Variants in SND1 observed in about 807,000 individuals in gnomAD.
The protein encoded by SND1 is staphylococcal nuclease and tudor domain containing 1.
A neutral mutation model predicts 121.7 loss-of-function variants in SND1; 38 were observed. The ratio of observed to expected loss-of-function variants is 0.31; its 90% CI spans 0.24 to 0.41. The LOEUF (loss-of-function observed/expected upper bound fraction) is 0.41. SND1 is among the 10% of genes least tolerant of loss of function. SND1 has a pLI of 1.00. For missense variants in SND1, 868 were observed against 1,184.6 expected (o/e 0.73, Z 3.92); for synonymous variants, 401 against 447.4 (o/e 0.90, Z 1.31).
chr7:127,709,466 A>G (rs1796261853), intron 9 of SND1, among the ~76,000 whole-genome samples: 3 of 152,210 alleles, frequency 2.0e-5, no homozygotes, highest in Non-Finnish European at 4.4e-5. Flanking sequence ...AGAAAAACCT[A>G]GAATATTTTG....
intron 1 of SND1, among the ~76,000 whole-genome samples, chr7:127,667,389 G>C (rs1795436861): frequency 6.6e-6 from 1 of 152,154 alleles, no homozygotes; most frequent in South Asian, 2.1e-4. Context: ...TGGTATACAG[G>C]TCCCCTACCA....
rs147448752 is a variant in SND1, at chr7:127,957,262, T to C, written c.1669+27933T>C. ...GCACCATGTTGGCATCATTTGGAACTAGGAAAGCAGCCCGGTTGGCATTTC... is the reference window on the plus strand; with the variant it reads ...GCACCATGTTGGCATCATTTGGAACCAGGAAAGCAGCCCGGTTGGCATTTC... On this transcript the variant is annotated intron_variant, in intron 15 of 23. Coordinates refer to ENST00000354725, the MANE Select transcript of SND1 (RefSeq NM_014390.4). Among the ~76,000 whole-genome samples, 140 of 152,310 alleles carry C rather than the reference T, an allele frequency of 9.2e-4. 1 individual carries two copies. The highest frequency in any genetic ancestry group is 3.4e-3 in the Middle Eastern group (1 of 294).
intron 16 of SND1, among the ~76,000 whole-genome samples, chr7:128,000,711 A>G (rs1802806607): frequency 6.6e-6 from 1 of 152,308 alleles, no homozygotes; most frequent in East Asian, 1.9e-4. Context: ...TTCAGGCTTC[A>G]GGCCTCCCTG....
At chr7:127,933,104 T>A (rs1800987846) in intron 15 of SND1, among the ~76,000 whole-genome samples, 1 of 152,162 alleles carries the variant, frequency 6.6e-6, no homozygotes, top group Admixed American at 6.5e-5. Context: ...CACAAATGTA[T>A]AGGGGAAAGA....
chr7:127,737,087 A>G (rs1320179223), intron 10 of SND1, among the ~76,000 whole-genome samples: 2 of 152,258 alleles, frequency 1.3e-5, no homozygotes, highest in South Asian at 4.1e-4. Flanking sequence ...TAATTAAAAT[A>G]TAAGAGCATA....
intron 15 of SND1, among the ~76,000 whole-genome samples, chr7:127,976,669 A>G (rs1298971520): frequency 1.3e-5 from 2 of 152,236 alleles, no homozygotes; most frequent in Admixed American, 1.3e-4. Flanking sequence ...AACCAGGGAA[A>G]ATCATCACTT....
intron 12 of SND1, among the ~76,000 whole-genome samples, chr7:127,871,669 G>T (rs553250341): frequency 6.6e-6 from 1 of 152,186 alleles, no homozygotes; most frequent in African/African-American, 2.4e-5. Flanking sequence ...CTGCCATAGC[G>T]CTCCAAACTA....
chr7:128,036,992 C>T (rs1302632151), intron 16 of SND1, among the ~76,000 whole-genome samples: 1 of 152,196 alleles, frequency 6.6e-6, no homozygotes, highest in Non-Finnish European at 1.5e-5. Flanking sequence ...CTCACAACAG[C>T]TCTGTGAGAT....
chr7:127,766,550 C>T (rs181335139), intron 10 of SND1, among the ~76,000 whole-genome samples: 2,614 of 151,928 alleles, frequency 0.017, 94 homozygotes, highest in African/African-American at 0.06. Flanking sequence ...CCAAGGCGGG[C>T]GAATCACGAG....
intron 10 of SND1, among the ~76,000 whole-genome samples, chr7:127,764,055 A>AAAAC (rs1797361981): frequency 1.7e-5 from 2 of 120,842 alleles, no homozygotes. Flanking sequence ...AAAAAAAACA[A>AAAAC]AAAAACAAAA....
In SND1 at chr7:128,089,617, C is replaced by T. The variant is rs771438370; in HGVS notation, c.2547C>T (p.Gly849=). The T allele has an allele frequency of 5.6e-6, 9 of 1,614,070 alleles. No homozygotes were observed. The highest frequency in any genetic ancestry group is 2.7e-5 in the African/African-American group (2 of 75,008). ...CCCTGCAGTTTGCAGATTCCAAGGGCGATGTGGGGCTGGGCTTGGTGAAGG... is the reference window on the plus strand; with the variant it reads ...CCCTGCAGTTTGCAGATTCCAAGGGTGATGTGGGGCTGGGCTTGGTGAAGG... ...HVTLQFADSK[G]DVGLGLVKEG... is the part of the protein sequence containing the mutation. Residue 849 remains glycine (G), a synonymous_variant, in exon 22 of 24, where the codon GGC becomes GGT. Coordinates refer to ENST00000354725, the MANE Select transcript of SND1 (RefSeq NM_014390.4).
At position 127,673,734 on chromosome 7, in the gene SND1, C is replaced by A. The variant is rs1795566349; in HGVS notation, c.79-12879C>A. Among the ~76,000 whole-genome samples the A allele has an allele frequency of 2.0e-5, 3 of 152,144 alleles. 1 individual carries two copies. Among genetic ancestry groups the A allele is most frequent in the Non-Finnish European group, 4.4e-5 (3 of 68,034 alleles). Reference sequence around the variant, plus strand: ...AACTTTCTCTTCCACATTTTTTATTCATGTATTTATTCAGTGGATTATAAT... The same window carrying A: ...AACTTTCTCTTCCACATTTTTTATTAATGTATTTATTCAGTGGATTATAAT... On this transcript the variant is annotated intron_variant, in intron 1 of 23. Transcript: ENST00000354725.
intron 10 of SND1, among the ~76,000 whole-genome samples, chr7:127,788,302 A>G (rs768242911): frequency 6.6e-6 from 1 of 152,224 alleles, no homozygotes. Flanking sequence ...ACAGAGATGA[A>G]TAAGTTTGAG....
intron 11 of SND1, among the ~76,000 whole-genome samples, chr7:127,811,647 C>T (rs1304677340): frequency 1.3e-5 from 2 of 152,118 alleles, no homozygotes; most frequent in Admixed American, 1.3e-4. Flanking sequence ...GTTAGACTAC[C>T]TCCTCGTATC....
intron 12 of SND1, among the ~76,000 whole-genome samples, chr7:127,872,071 G>T (rs1376142644): frequency 6.6e-6 from 1 of 152,156 alleles, no homozygotes; most frequent in Admixed American, 6.5e-5. Context: ...GTTCGAGTCT[G>T]TGGTGAGCTA....
chr7:127,960,860 T>A (rs1801714416), intron 15 of SND1, among the ~76,000 whole-genome samples: 1 of 152,216 alleles, frequency 6.6e-6, no homozygotes, highest in Non-Finnish European at 1.5e-5. Flanking sequence ...TCTGTGAGTT[T>A]CAATACTATT....
chr7:128,038,858 G>C (rs1434723973), intron 16 of SND1, among the ~76,000 whole-genome samples: 3 of 151,992 alleles, frequency 2.0e-5, no homozygotes, highest in African/African-American at 7.3e-5. Context: ...TTTTACACTT[G>C]CCCTCTACAG....
intron 15 of SND1, among the ~76,000 whole-genome samples, chr7:127,936,322 C>T (rs944192888): frequency 2.7e-4 from 41 of 152,170 alleles, no homozygotes. Context: ...GATCCCTGGG[C>T]AGCCTGCATT....
intron 10 of SND1, among the ~76,000 whole-genome samples, chr7:127,794,702 G>T (rs1257066097): frequency 6.6e-6 from 1 of 152,182 alleles, no homozygotes; most frequent in African/African-American, 2.4e-5. Context: ...CCCTGTGCTG[G>T]ATGGGTTTCA....
Sources: gnomAD v4.1 joint callset for allele counts (sites outside exome capture counted in the v4.1 genomes callset) on GRCh38, gnomAD v4.1.1 for gene constraint, MANE v1.5 for transcripts, NCBI Gene and HGNC (gene_info 2026-07-23, HGNC 2026-07-21) for gene names.